The following ZC3H3 variants were observed in gnomAD, a reference collection of about 807,000 sequenced individuals.
ZC3H3 encodes zinc finger CCCH-type containing 3.
In ZC3H3, 36 loss-of-function variants were observed where a neutral mutation model predicts 77.3. That is an observed-to-expected ratio of 0.47 (90% CI 0.36 to 0.61). The LOEUF is 0.61. Ranked by LOEUF, ZC3H3 falls within the 20% of genes least tolerant of loss-of-function variation. The probability of loss-of-function intolerance (pLI) is 0.00; values close to 1 mark genes in which losing one functional copy is unlikely to be tolerated. For synonymous variants in ZC3H3, 626 were observed against 555.2 expected, an observed-to-expected ratio of 1.13 and a Z score of -1.79; for missense variants, 1,331 against 1,312.2, an observed-to-expected ratio of 1.01 and a Z score of -0.22.
chr8:143,471,921 G>A (rs1010577934), intron 5 of ZC3H3, among the ~76,000 whole-genome samples: 20 of 152,240 alleles, frequency 1.3e-4, no homozygotes, highest in African/African-American at 3.4e-4. Flanking sequence ...AGGCGGGGCC[G>A]GTGGTGGCCC....
At chr8:143,440,847 C>CA in intron 10 of ZC3H3, 89 bp downstream of exon 10, 1 of 1,285,030 alleles carries the variant, frequency 7.8e-7, no homozygotes, top group Non-Finnish European at 9.9e-7. Flanking sequence ...CTGGAGTTGG[C>CA]GGGAGCTCAA....
chr8:143,465,438 A>T (rs1425941359), intron 9 of ZC3H3, among the ~76,000 whole-genome samples: 1 of 152,010 alleles, frequency 6.6e-6, no homozygotes. Context: ...CACCCCTACC[A>T]TGGGGGGCCA....
chr8:143,478,827 T>C (rs939961294), intron 4 of ZC3H3, among the ~76,000 whole-genome samples: 2 of 152,218 alleles, frequency 1.3e-5, no homozygotes, highest in Non-Finnish European at 2.9e-5. Context: ...CTCATTCTCA[T>C]GGATGAACAT....
At position 143,541,358 on chromosome 8, in the gene ZC3H3, G is replaced by C. The variant is rs771111556; in HGVS notation, c.46+18C>G. 1 of 1,605,818 alleles carries C rather than the reference G, an allele frequency of 6.2e-7. No homozygotes were observed. Among genetic ancestry groups the C allele is most frequent in the African/African-American group, 1.4e-5 (1 of 73,734 alleles). On this transcript the variant is annotated intron_variant, in intron 1 of 11. Transcript: ENST00000262577. ...GGGGAAAGAAGGGGACTCGCGTCCC[G>C]GCCCCGGCCGGACCTACCCTGCAGT... is the stretch of plus-strand genomic sequence containing the variant.
At chr8:143,489,870 T>C (rs73715633) in intron 4 of ZC3H3, among the ~76,000 whole-genome samples, 6 of 151,904 alleles carry the variant, frequency 3.9e-5, no homozygotes, top group Admixed American at 2.6e-4. Flanking sequence ...CTCTGGGGAG[T>C]GGACGGGGCA....
chr8:143,445,244 A>G (rs1352567466), intron 9 of ZC3H3, among the ~76,000 whole-genome samples: 2 of 152,084 alleles, frequency 1.3e-5, no homozygotes, highest in African/African-American at 2.4e-5. Context: ...AGCTGGGCAT[A>G]GTGGCACATG....
intron 4 of ZC3H3, among the ~76,000 whole-genome samples, chr8:143,492,233 G>A (rs1821226914): frequency 6.6e-6 from 1 of 152,160 alleles, no homozygotes; most frequent in East Asian, 1.9e-4. Flanking sequence ...TGGCCTTGGA[G>A]GCCTCCAGGC....
At chr8:143,443,107 C>T (rs1039349311) in intron 9 of ZC3H3, among the ~76,000 whole-genome samples, 35 of 151,828 alleles carry the variant, frequency 2.3e-4, no homozygotes, top group African/African-American at 8.2e-4. Context: ...ACGGTCTCTC[C>T]TAAACCGTCT....
intron 9 of ZC3H3, among the ~76,000 whole-genome samples, chr8:143,451,449 C>T (rs561510861): frequency 2.8e-4 from 42 of 152,168 alleles, no homozygotes; most frequent in South Asian, 2.1e-4. Flanking sequence ...CCGACATGCA[C>T]CCATACGTTG....
chr8:143,441,228 T>A, intron 9 of ZC3H3, 108 bp from the exon 10 acceptor site: 1 of 1,181,820 alleles, frequency 8.5e-7, no homozygotes, highest in Non-Finnish European at 1.1e-6. Context: ...CGGGGCCCCA[T>A]AGGCTCCGTC....
intron 3 of ZC3H3, among the ~76,000 whole-genome samples, chr8:143,531,104 C>T (rs868036663): frequency 6.6e-6 from 1 of 152,046 alleles, no homozygotes; most frequent in Non-Finnish European, 1.5e-5. Context: ...GGACTACAGG[C>T]GTGTGCCACC....
intron 3 of ZC3H3, among the ~76,000 whole-genome samples, chr8:143,513,627 C>T (rs75412147): frequency 5.3e-5 from 8 of 152,328 alleles, no homozygotes; most frequent in African/African-American, 9.6e-5. Flanking sequence ...CTGAGCGGGG[C>T]GCAGACCCCC....
rs963981703 is a variant in ZC3H3, at chr8:143,510,842, C to G, written c.1562-2943G>C. On this transcript the variant is annotated intron_variant, in intron 3 of 11. Coordinates refer to ENST00000262577, the MANE Select transcript of ZC3H3 (RefSeq NM_015117.3). ...CCAGGGCTGTAATTTTTTTTCTCCA[C>G]GTGATGCATTCCCGTGGCACACTCC... 2.0e-5 allele frequency among the ~76,000 whole-genome samples: 3 copies of G among 152,308 alleles called. No homozygotes were observed. In the South Asian group the frequency reaches 6.2e-4, roughly 32 times the overall value.
In ZC3H3 at chr8:143,538,475, C is replaced by T. The variant is rs757379211; in HGVS notation, c.892G>A (p.Val298Ile). The change falls in exon 2 of 12, where the codon GTT (valine) becomes ATT (isoleucine). Residue 298 changes from valine to isoleucine, a missense_variant. By Grantham distance (29) the Val-to-Ile change is conservative. This residue lies in a region of ZC3H3 where 978 missense variants were observed against 915.5 expected (regional missense o/e 1.07). Coordinates refer to ENST00000262577, the MANE Select transcript of ZC3H3 (RefSeq NM_015117.3). ...AACTTGTTAGTTCGACAGGTCACAA[C>T]CAGCGAGGCCTCCCGGGCCTGCCTG... ...GPRQAREASL[V>I]VTCRTNKFRK... The T allele has an allele frequency of 2.5e-6, 4 of 1,612,926 alleles. No homozygotes were observed. Among genetic ancestry groups the T allele is most frequent in the Non-Finnish European group, 2.5e-6 (3 of 1,180,044 alleles).
chr8:143,537,830 C>T (rs569427480), intron 2 of ZC3H3, among the ~76,000 whole-genome samples, 173 bp downstream of exon 2: 1 of 152,256 alleles, frequency 6.6e-6, no homozygotes, highest in East Asian at 1.9e-4. Flanking sequence ...CCGGCCAGGG[C>T]CCCGGCCCCA....
In ZC3H3 at chr8:143,538,667, C is replaced by T. The variant is rs150666715; in HGVS notation, c.700G>A (p.Ala234Thr). The T allele has an allele frequency of 1.8e-4, 289 of 1,608,252 alleles. 2 individuals carry two copies. In the Middle Eastern group the frequency reaches 3.5e-3, roughly 19 times the overall value. Residue 234 changes from alanine to threonine, a missense_variant, in exon 2 of 12, where the codon GCT (alanine) becomes ACT (threonine). Coordinates refer to ENST00000262577, the MANE Select transcript of ZC3H3 (RefSeq NM_015117.3). The stretch of plus-strand genomic sequence containing the variant: ...GCCACGCCAGTGCGTGGGGGCAGAG[C>T]GGAGGATGGGAAGCTCGCCTTGACG... ...IAVKASFPSS[A>T]LPPRTGVALG...
intron 3 of ZC3H3, among the ~76,000 whole-genome samples, chr8:143,535,506 C>T (rs555156413): frequency 5.9e-5 from 9 of 152,334 alleles, no homozygotes; most frequent in Non-Finnish European, 8.8e-5. Flanking sequence ...TGCACACAGA[C>T]GAACGTGGCT....
At chr8:143,521,004 C>T (rs1822223626) in intron 3 of ZC3H3, among the ~76,000 whole-genome samples, 1 of 152,224 alleles carries the variant, frequency 6.6e-6, no homozygotes, top group Non-Finnish European at 1.5e-5. Flanking sequence ...CACAGCCACA[C>T]AGGTAGACGG....
intron 5 of ZC3H3, 121 bp downstream of exon 5, chr8:143,475,277 G>A (rs973434865): frequency 2.4e-6 from 3 of 1,244,722 alleles, no homozygotes; most frequent in African/African-American, 1.5e-5. Flanking sequence ...CCAAGACAGG[G>A]GCGTGAGCCA....
Sources: gnomAD v4.1 joint callset for allele counts (sites outside exome capture counted in the v4.1 genomes callset) on GRCh38, gnomAD v4.1.1 for gene constraint, gnomAD v4.1.1 regional missense constraint, MANE v1.5 for transcripts, NCBI Gene and HGNC (gene_info 2026-07-23, HGNC 2026-07-21) for gene names.